Variants in PRKDC observed in about 807,000 individuals in gnomAD.
PRKDC encodes protein kinase, DNA-activated, catalytic subunit.
PRKDC carries 82 observed loss-of-function variants against 486.9 expected under a neutral mutation model. That is an observed-to-expected ratio of 0.17 (90% CI 0.14 to 0.20). The LOEUF is 0.20. Ranked by LOEUF, PRKDC falls within the 10% of genes least tolerant of loss-of-function variation. The probability of loss-of-function intolerance (pLI) is 1.00; values close to 1 mark genes in which losing one functional copy is unlikely to be tolerated. For missense variants in PRKDC, 4,504 were observed against 5,038.2 expected (o/e 0.89, Z 3.21); for synonymous variants, 1,895 against 1,837.0 (o/e 1.03, Z -0.81).
intron 22 of PRKDC, among the ~76,000 whole-genome samples, chr8:47,917,209 C>T (rs1416610277): frequency 6.6e-6 from 1 of 151,980 alleles, no homozygotes; most frequent in Non-Finnish European, 1.5e-5. Context: ...GAGCTGAGAT[C>T]ACACCAATGC....
intron 26 of PRKDC, 59 bp downstream of exon 26, chr8:47,904,810 C>T (rs1443654066): frequency 3.9e-6 from 5 of 1,295,624 alleles, no homozygotes; most frequent in East Asian, 4.7e-5. Context: ...AATAAATAAA[C>T]AAACATCAAA....
chr8:47,855,487 G>A (rs949817144), intron 49 of PRKDC, 114 bp from the exon 50 acceptor site: 42 of 1,106,664 alleles, frequency 3.8e-5, no homozygotes, highest in South Asian at 5.2e-5. Flanking sequence ...TCCGGCTCCT[G>A]TTGAAAGCCC....
At chr8:47,774,417 C>A in intron 85 of PRKDC, 40 bp from the exon 86 acceptor site, 1 of 1,576,538 alleles carries the variant, frequency 6.3e-7, no homozygotes, top group South Asian at 1.1e-5. Flanking sequence ...AAGCATGTGT[C>A]ATTGTCCTTT....
At position 47,954,448 on chromosome 8, in the gene PRKDC, T is replaced by A; in HGVS notation, c.400-2A>T. On this transcript the variant is annotated splice_acceptor_variant, in intron 4 of 85. Coordinates refer to ENST00000314191, the MANE Select transcript of PRKDC (RefSeq NM_006904.7). LOFTEE classifies it high-confidence loss of function. ...AGAACTTCTAAAAGTCTGAAGTAACTAAAAGAATACAAATTAGTACATCAA... is the reference window on the plus strand; with the variant it reads ...AGAACTTCTAAAAGTCTGAAGTAACAAAAAGAATACAAATTAGTACATCAA... The A allele has an allele frequency of 1.6e-6, 2 of 1,217,192 alleles. No homozygotes were observed. Among genetic ancestry groups the A allele is most frequent in the Non-Finnish European group, 1.1e-6 (1 of 887,564 alleles). The allele number at this position is 1,217,192 out of a possible 1,614,324, so 75.4% of individuals were successfully genotyped here. A position where few individuals can be genotyped will look rare whatever the true frequency, so the allele number is the denominator to read the frequency against.
intron 44 of PRKDC, among the ~76,000 whole-genome samples, chr8:47,861,568 T>A (rs997929565): frequency 1.3e-5 from 2 of 152,196 alleles, no homozygotes; most frequent in Non-Finnish European, 2.9e-5. Flanking sequence ...TCTGCCCACC[T>A]TCCCATTTCC....
At chr8:47,941,262 C>T (rs2090440869) in intron 10 of PRKDC, among the ~76,000 whole-genome samples, 1 of 152,152 alleles carries the variant, frequency 6.6e-6, no homozygotes, top group South Asian at 2.1e-4. Context: ...GTCCTCTTTC[C>T]CTCTTTCTTC....
At position 47,830,587 on chromosome 8, in the gene PRKDC, G is replaced by A. The variant is rs191213369; in HGVS notation, c.8397+18C>T. 22 of 1,609,128 alleles carry A rather than the reference G, an allele frequency of 1.4e-5. No homozygotes were observed. Among genetic ancestry groups the A allele is most frequent in the East Asian group, 6.7e-5 (3 of 44,752 alleles). On this transcript the variant is annotated intron_variant, in intron 61 of 85. Transcript: ENST00000314191. ...AGATTTTAACCTGTCAACAGAAAAC[G>A]CAGCGGCAAAAACTGACCTGGGCCA...
chr8:47,802,544 G>A (rs1276664199), intron 70 of PRKDC, among the ~76,000 whole-genome samples: 3 of 150,288 alleles, frequency 2.0e-5, no homozygotes, highest in Non-Finnish European at 4.4e-5. Context: ...GTGCAGTGGC[G>A]CGATTTTGGC....
intron 59 of PRKDC, 32 bp from the exon 60 acceptor site, chr8:47,831,958 C>T (rs369763554): frequency 2.5e-5 from 39 of 1,579,216 alleles, no homozygotes; most frequent in South Asian, 2.3e-4. Context: ...AGTTACTCCC[C>T]GCCGCCCAGA....
At chr8:47,819,578 TTTA>T (rs1376310334) in intron 66 of PRKDC, 68 bp from the exon 67 acceptor site, 1 of 811,644 alleles carries the variant, frequency 1.2e-6, no homozygotes, top group Admixed American at 3.0e-5. Context: ...AAGCTGTGAC[TTTA>T]AGTTTTTAAC....
At chr8:47,885,462 T>C (rs952107784) in intron 36 of PRKDC, among the ~76,000 whole-genome samples, 4 of 151,940 alleles carry the variant, frequency 2.6e-5, no homozygotes, top group Non-Finnish European at 5.9e-5. Flanking sequence ...CTAATATTCA[T>C]TAACTATTGA....
At chr8:47,819,824 C>T (rs2087544097) in intron 66 of PRKDC, among the ~76,000 whole-genome samples, 1 of 152,202 alleles carries the variant, frequency 6.6e-6, no homozygotes, top group Non-Finnish European at 1.5e-5. Flanking sequence ...CTGCTGACTA[C>T]AGAAGCCAAT....
At chr8:47,876,350 C>A (rs2089092259) in intron 40 of PRKDC, among the ~76,000 whole-genome samples, 1 of 152,050 alleles carries the variant, frequency 6.6e-6, no homozygotes, top group South Asian at 2.1e-4. Flanking sequence ...GCCATGGCAT[C>A]AAACCCTTAC....
intron 1 of PRKDC, among the ~76,000 whole-genome samples, chr8:47,957,675 T>TA (rs982155896): frequency 2.6e-5 from 4 of 151,988 alleles, no homozygotes; most frequent in Admixed American, 6.6e-5. Context: ...CATGCCCGGC[T>TA]AATTTTTTTT....
Position 47,858,519 on chromosome 8 carries a change from T to C in PRKDC, c.6462A>G (p.Glu2154=), listed in dbSNP as rs1158696726. Residue 2154 remains glutamate, a synonymous_variant, in exon 48 of 86, where the codon GAA becomes GAG. Transcript: ENST00000314191. ...AAAGAAATAATCAATTACTTACCTC[T>C]TCTGTATTAATAACAAGCTTGGCTA... ...LFLAKLVINT[E]EVFRPYAKHW... is the part of the protein sequence containing the mutation. 6.7e-7 allele frequency: 1 copy of C among 1,495,048 alleles called. No homozygotes were observed. The highest frequency in any genetic ancestry group is 9.1e-7 in the Non-Finnish European group (1 of 1,104,914). 92.6% of individuals were successfully genotyped at this position (1,495,048 alleles called of 1,614,324 possible). A position where few individuals can be genotyped will look rare whatever the true frequency, so the allele number is the denominator to read the frequency against.
Position 47,834,190 on chromosome 8 carries a change from G to A in PRKDC, c.8152+6C>T. 1 of 1,614,008 alleles carries A rather than the reference G, an allele frequency of 6.2e-7. No homozygotes were observed. The highest frequency in any genetic ancestry group is 8.5e-7 in the Non-Finnish European group (1 of 1,179,882). On this transcript the variant is annotated splice_donor_region_variant and intron_variant, in intron 59 of 85. Coordinates refer to ENST00000314191, the MANE Select transcript of PRKDC (RefSeq NM_006904.7). ...TATTTTAAGCACACTCAGCAACCCAGCTTACCTTTCACTTTGTTATCCACC... is the reference window on the plus strand; with the variant it reads ...TATTTTAAGCACACTCAGCAACCCAACTTACCTTTCACTTTGTTATCCACC...
At chr8:47,953,979 A>G (rs2090664645) in intron 5 of PRKDC, 60 bp from the exon 6 acceptor site, 1 of 882,788 alleles carries the variant, frequency 1.1e-6, no homozygotes, top group African/African-American at 1.7e-5. Context: ...AGTTAAACTA[A>G]CCAAAATGTA....
At chr8:47,887,291 T>G (rs1351100864) in intron 35 of PRKDC, among the ~76,000 whole-genome samples, 1 of 152,172 alleles carries the variant, frequency 6.6e-6, no homozygotes, top group Non-Finnish European at 1.5e-5. Context: ...TCACAAAACG[T>G]TCTCTAGCTA....
In PRKDC at chr8:47,857,248, C is replaced by T. The variant is rs746561696; in HGVS notation, c.6517G>A (p.Ala2173Thr). 1.9e-6 allele frequency: 3 copies of T among 1,613,974 alleles called. No individual in the cohort carries two copies. Among genetic ancestry groups the T allele is most frequent in the South Asian group, 1.1e-5 (1 of 91,076 alleles). ...CCTTCTCCTCCATTGTTTTCAGAAGCAGCCAGCTGCAGCAAGGGGCTAAGC... is the reference window on the plus strand; with the variant it reads ...CCTTCTCCTCCATTGTTTTCAGAAGTAGCCAGCTGCAGCAAGGGGCTAAGC... The part of the protein sequence containing the change: ...HWLSPLLQLA[A>T]SENNGGEGIH... The change falls in exon 49 of 86, where the codon GCT becomes ACT. Residue 2173 changes from alanine to threonine, a missense_variant. Physicochemically the swap from Ala to Thr is moderately conservative, Grantham distance 58. Around this residue, in one of 6 missense-constraint regions of PRKDC, gnomAD observed 1,592 missense variants for 1,724.6 expected, o/e 0.92. Coordinates refer to ENST00000314191, the MANE Select transcript of PRKDC (RefSeq NM_006904.7).
Sources: gnomAD v4.1 joint callset for allele counts (sites outside exome capture counted in the v4.1 genomes callset) on GRCh38, gnomAD v4.1.1 for gene constraint, gnomAD v4.1.1 regional missense constraint, MANE v1.5 for transcripts, NCBI Gene and HGNC (gene_info 2026-07-23, HGNC 2026-07-21) for gene names.